PLEKHF1: variants seen among roughly 807,000 people sequenced by gnomAD.
PLEKHF1 encodes pleckstrin homology domain-containing family F member 1.
Under a neutral mutation model 4.1 loss-of-function variants are expected in PLEKHF1, and 1 was observed. The ratio of observed to expected loss-of-function variants is 0.24; its 90% confidence interval spans 0.09 to 1.15. PLEKHF1 has a LOEUF of 1.15. PLEKHF1 is among the 50% of genes most tolerant of loss of function. The pLI, the probability that PLEKHF1 is intolerant of heterozygous loss-of-function variation, is 0.52. For missense variants in PLEKHF1, 429 were observed against 400.6 expected (o/e 1.07, Z -0.60); for synonymous variants, 182 against 178.5 (o/e 1.02, Z -0.16).
intron 1 of PLEKHF1, among the ~76,000 whole-genome samples, chr19:29,670,116 G>C (rs1290116981): frequency 6.6e-6 from 1 of 152,102 alleles, no homozygotes; most frequent in South Asian, 2.1e-4. Context: ...ATTTTTAGTA[G>C]AGACAGGGTT....
At chr19:29,673,333 C>A (rs1033687293) in intron 1 of PLEKHF1, among the ~76,000 whole-genome samples, 5 of 152,058 alleles carry the variant, frequency 3.3e-5, no homozygotes, top group African/African-American at 1.2e-4. Context: ...TTCAAGGCTC[C>A]CCAGCGGGGC....
rs1451114298 is a variant in PLEKHF1, at chr19:29,674,048, A to G, written c.209A>G (p.Asn70Ser). The G allele has an allele frequency of 1.9e-6, 3 of 1,614,164 alleles. No homozygotes were observed. The highest frequency in any genetic ancestry group is 2.5e-6 in the Non-Finnish European group (3 of 1,180,018). ...CTGGTGTATGGCAGCATCGTGCTCAACAAGCGCAAGTACCGCAGCCAGCAC... is the reference window on the plus strand; with the variant it reads ...CTGGTGTATGGCAGCATCGTGCTCAGCAAGCGCAAGTACCGCAGCCAGCAC... ...DILVYGSIVL[N>S]KRKYRSQHII... The change falls in exon 2 of 2, where the codon AAC (asparagine) becomes AGC (serine). Residue 70 changes from asparagine (N) to serine (S), a missense_variant. Transcript: ENST00000436066.
In PLEKHF1 at chr19:29,674,796, G is replaced by A. The variant is rs1352343445; in HGVS notation, c.*117G>A. 1.1e-5 allele frequency: 15 copies of A among 1,411,704 alleles called. No individual in the cohort carries two copies. The highest frequency in any genetic ancestry group is 2.6e-4 in the Middle Eastern group (1 of 3,822). The allele number at this position is 1,411,704 out of a possible 1,614,324, so 87.4% of individuals were successfully genotyped here. A position where few individuals can be genotyped will look rare whatever the true frequency, so the allele number is the denominator to read the frequency against. On this transcript the variant is annotated 3_prime_UTR_variant, in exon 2 of 2. Transcript: ENST00000436066. ...CCCATCCCATGGTGGCAGGTGCAGC[G>A]GTGGGGAGTGGCTCTTTCTGGACTC...
chr19:29,665,600 C>G, intron 1 of PLEKHF1, 95 bp downstream of exon 1: 1 of 1,216,168 alleles, frequency 8.2e-7, no homozygotes, highest in South Asian at 1.4e-5. Flanking sequence ...AGCGAGCTCT[C>G]TCCCGCCGCG....
chr19:29,669,687 G>T (rs1568309952), intron 1 of PLEKHF1, among the ~76,000 whole-genome samples: 1 of 152,164 alleles, frequency 6.6e-6, no homozygotes, highest in Non-Finnish European at 1.5e-5. Flanking sequence ...CTTGAAATTG[G>T]CAGATATTCG....
Position 29,671,665 on chromosome 19 carries a change from G to A in PLEKHF1, c.-16-2159G>A, listed in dbSNP as rs1195316490. On this transcript the variant is annotated intron_variant, in intron 1 of 1. Transcript: ENST00000436066. The surrounding 1 kb of genome is among the most constrained non-coding windows in gnomAD (Gnocchi z 4.0). ...CTAAAAATAGCAGTTCTTACGTAAG[G>A]TAGTGTGGGCAGCCCTTCTCAGGAC... Among the ~76,000 whole-genome samples, 1 of 152,170 alleles carries A rather than the reference G, an allele frequency of 6.6e-6. No individual in the cohort carries two copies. The highest frequency in any genetic ancestry group is 2.4e-5 in the African/African-American group (1 of 41,446).
chr19:29,668,086 A>G (rs1274240729), intron 1 of PLEKHF1, among the ~76,000 whole-genome samples: 1 of 152,132 alleles, frequency 6.6e-6, no homozygotes, highest in Non-Finnish European at 1.5e-5. Flanking sequence ...CCCAAGCCGC[A>G]GTGCTCACAT....
chr19:29,667,743 G>A (rs546648779), intron 1 of PLEKHF1, among the ~76,000 whole-genome samples: 4 of 152,274 alleles, frequency 2.6e-5, no homozygotes, highest in Non-Finnish European at 5.9e-5. Context: ...AGGACAGGAC[G>A]ACTCCCGTCA....
rs372403075 is a variant in PLEKHF1 at position 29,669,130 on chromosome 19, G to T, written c.-17+3625G>T. On this transcript the variant is annotated intron_variant, in intron 1 of 1. Coordinates refer to ENST00000436066, the MANE Select transcript of PLEKHF1 (RefSeq NM_024310.5). Reference sequence around the variant, plus strand: ...GAGCAGCAAAGGGGTCCCATGTGGAGTGTTCTGCACCCCCTCCAAGGGCTG... The same window carrying T: ...GAGCAGCAAAGGGGTCCCATGTGGATTGTTCTGCACCCCCTCCAAGGGCTG... Among the ~76,000 whole-genome samples the T allele has an allele frequency of 4.5e-4, 69 of 152,332 alleles. 1 individual carries two copies. The East Asian group carries it at 0.013, about 29-fold the overall frequency.
Position 29,674,503 on chromosome 19 carries a change from G to T in PLEKHF1, c.664G>T (p.Glu222Ter). ...CCAGCAGCGGCAGGAGGAGGCGGAG[G>T]AGCAGGGCGCGGGGTCCCCAGGGCA... ...AAQQRQEEAEEQGAGSPGQPA... is the reference protein window; with the variant it reads ...AAQQRQEEAE The change falls in exon 2 of 2, where the codon GAG becomes TAG. Residue 222 changes from glutamate (E) to a stop codon, truncating the protein, a stop_gained. Transcript: ENST00000436066. LOFTEE classifies it high-confidence loss of function. The T allele has an allele frequency of 1.3e-6, 2 of 1,554,196 alleles. No homozygotes were observed. The highest frequency in any genetic ancestry group is 1.2e-5 in the South Asian group (1 of 84,782).
intron 1 of PLEKHF1, among the ~76,000 whole-genome samples, chr19:29,670,149 C>G (rs1439821893): frequency 6.6e-6 from 1 of 152,128 alleles, no homozygotes; most frequent in Non-Finnish European, 1.5e-5. Flanking sequence ...CCAGGCTGGT[C>G]TCGAACTCCT....
rs369577610 is a variant in PLEKHF1, at chr19:29,668,562, A to G, written c.-17+3057A>G. 2.6e-3 allele frequency among the ~76,000 whole-genome samples: 389 copies of G among 152,084 alleles called. 1 individual carries two copies. Among genetic ancestry groups the G allele is most frequent in the African/African-American group, 9.0e-3 (374 of 41,500 alleles). On this transcript the variant is annotated intron_variant, in intron 1 of 1. Transcript: ENST00000436066. ...GAGTGAACCCTCGCCTCTAAAACAA[A>G]TTTAAAAATTAGCCAGGCATGTTGG...
At chr19:29,672,963 C>T (rs930455338) in intron 1 of PLEKHF1, among the ~76,000 whole-genome samples, 1 of 152,090 alleles carries the variant, frequency 6.6e-6, no homozygotes, top group Non-Finnish European at 1.5e-5. Flanking sequence ...GCTTAGGGCA[C>T]CAACAGAGGG....
In PLEKHF1 at chr19:29,673,887, G is replaced by A. The variant is rs1225086239; in HGVS notation, c.48G>A (p.Ala16=). ...ANTEINSQRI[A]AVESCFGASG... ...CGGAGATCAACAGCCAGCGCATCGC[G>A]GCAGTGGAGAGCTGCTTCGGGGCCT... The change falls in exon 2 of 2, where the codon GCG becomes GCA. Residue 16 remains alanine, a synonymous_variant. Transcript: ENST00000436066. 1.9e-6 allele frequency: 3 copies of A among 1,611,088 alleles called. No homozygotes were observed. The highest frequency in any genetic ancestry group is 3.3e-5 in the Admixed American group (2 of 59,918).
Position 29,674,796 on chromosome 19 carries a change from G to T in PLEKHF1, c.*117G>T, listed in dbSNP as rs1352343445. 1.4e-6 allele frequency: 2 copies of T among 1,411,822 alleles called. No individual in the cohort carries two copies. Among genetic ancestry groups the T allele is most frequent in the Non-Finnish European group, 1.9e-6 (2 of 1,065,050 alleles). 87.5% of individuals were successfully genotyped at this position (1,411,822 alleles called of 1,614,324 possible). A position where few individuals can be genotyped will look rare whatever the true frequency, so the allele number is the denominator to read the frequency against. On this transcript the variant is annotated 3_prime_UTR_variant, in exon 2 of 2. Coordinates refer to ENST00000436066, the MANE Select transcript of PLEKHF1 (RefSeq NM_024310.5). ...CCCATCCCATGGTGGCAGGTGCAGCGGTGGGGAGTGGCTCTTTCTGGACTC... is the reference window on the plus strand; with the variant it reads ...CCCATCCCATGGTGGCAGGTGCAGCTGTGGGGAGTGGCTCTTTCTGGACTC...
Position 29,671,257 on chromosome 19 carries a change from G to A in PLEKHF1, c.-16-2567G>A, listed in dbSNP as rs1043785242. Among the ~76,000 whole-genome samples the A allele has an allele frequency of 1.3e-5, 2 of 152,120 alleles. No individual in the cohort carries two copies. The highest frequency in any genetic ancestry group is 2.4e-5 in the African/African-American group (1 of 41,430). On this transcript the variant is annotated intron_variant, in intron 1 of 1. Transcript: ENST00000436066. The surrounding 1 kb of genome is among the most constrained non-coding windows in gnomAD (Gnocchi z 4.0). Reference sequence around the variant, plus strand: ...TGGAATTACAGGTGTGAGGCACTGTGTCCGGCCTTCCTCCTACCTATTTTT... The same window carrying A: ...TGGAATTACAGGTGTGAGGCACTGTATCCGGCCTTCCTCCTACCTATTTTT...
At chr19:29,673,630 C>G (rs538770610) in intron 1 of PLEKHF1, among the ~76,000 whole-genome samples, 194 bp from the exon 2 acceptor site, 6 of 152,306 alleles carry the variant, frequency 3.9e-5, no homozygotes, top group Admixed American at 1.3e-4. Context: ...CTTCCCTCCC[C>G]GTAGTTCCCT....
chr19:29,668,084 G>A (rs1337993509), intron 1 of PLEKHF1, among the ~76,000 whole-genome samples: 4 of 152,146 alleles, frequency 2.6e-5, no homozygotes, highest in South Asian at 2.1e-4. Context: ...CTCCCAAGCC[G>A]CAGTGCTCAC....
Position 29,665,762 on chromosome 19 carries a change from C to A in PLEKHF1, c.-17+257C>A, listed in dbSNP as rs952522041. The A allele has an allele frequency of 5.6e-6, 6 of 1,074,994 alleles. No homozygotes were observed. The South Asian group carries it at 1.3e-4, about 23-fold the overall frequency. The allele number at this position is 1,074,994 out of a possible 1,614,324, so 66.6% of individuals were successfully genotyped here. ...GGGGTCAGAGCGTCCGAGGCGGAATCCCCGGGGAAACGCGCAGATGTAAGC... is the reference window on the plus strand; with the variant it reads ...GGGGTCAGAGCGTCCGAGGCGGAATACCCGGGGAAACGCGCAGATGTAAGC... On this transcript the variant is annotated intron_variant, in intron 1 of 1. Transcript: ENST00000436066.
Sources: gnomAD v4.1 joint callset for allele counts (sites outside exome capture counted in the v4.1 genomes callset) on GRCh38, gnomAD v4.1.1 for gene constraint, Gnocchi (gnomAD v3.1) non-coding constraint, MANE v1.5 for transcripts, NCBI Gene and HGNC (gene_info 2026-07-23, HGNC 2026-07-21) for gene names.